The following RABGAP1L variants were observed in gnomAD, a reference collection of about 807,000 sequenced individuals.
RABGAP1L encodes the protein RAB GTPase activating protein 1 like, also known as rab GTPase-activating protein 1-like.
Under a neutral mutation model 137.7 loss-of-function variants are expected in RABGAP1L, and 63 were observed. That is an observed-to-expected ratio of 0.46 (90% confidence interval 0.37 to 0.56). RABGAP1L has a LOEUF of 0.56. RABGAP1L is among the 20% of genes least tolerant of loss of function. The pLI is 0.00. For synonymous variants in RABGAP1L, 431 were observed against 433.7 expected (o/e 0.99, Z 0.08); for missense variants, 1,095 against 1,244.0 (o/e 0.88, Z 1.80).
chr1:174,981,852 A>C (rs1340659936), intron 23 of RABGAP1L, among the ~76,000 whole-genome samples: 1 of 152,004 alleles, frequency 6.6e-6, no homozygotes, highest in African/African-American at 2.4e-5. Flanking sequence ...TTTAATGTAC[A>C]CTTACTATTG....
intron 6 of RABGAP1L, among the ~76,000 whole-genome samples, chr1:174,251,308 T>C (rs1672694888): frequency 6.6e-6 from 1 of 152,092 alleles, no homozygotes; most frequent in African/African-American, 2.4e-5. Flanking sequence ...CTAATCAAAA[T>C]TGTTTTTAAC....
At chr1:174,439,492 G>A (rs912920494) in intron 13 of RABGAP1L, among the ~76,000 whole-genome samples, 1 of 152,060 alleles carries the variant, frequency 6.6e-6, no homozygotes, top group East Asian at 1.9e-4. Flanking sequence ...GCAGCATTTG[G>A]CATTTTTTAG....
intron 13 of RABGAP1L, among the ~76,000 whole-genome samples, chr1:174,429,582 T>C (rs1477027447): frequency 1.3e-5 from 2 of 151,644 alleles, no homozygotes; most frequent in Non-Finnish European, 2.9e-5. Context: ...CTACTAAGAA[T>C]ACAAAAATTA....
At chr1:174,642,585 G>T (rs1036780847) in intron 14 of RABGAP1L, among the ~76,000 whole-genome samples, 2 of 151,966 alleles carry the variant, frequency 1.3e-5, no homozygotes, top group Admixed American at 6.6e-5. Flanking sequence ...TTCTTGATGT[G>T]TCTGAATGAG....
At chr1:174,196,425 T>C (rs79580707) in intron 1 of RABGAP1L, among the ~76,000 whole-genome samples, 1 of 151,860 alleles carries the variant, frequency 6.6e-6, no homozygotes, top group South Asian at 2.1e-4. Flanking sequence ...GGGGTTTCGC[T>C]GTGTTAGCCA....
chr1:174,556,021 G>A (rs189577992), intron 13 of RABGAP1L, among the ~76,000 whole-genome samples: 2 of 133,474 alleles, frequency 1.5e-5, no homozygotes, highest in Non-Finnish European at 3.2e-5. Context: ...TTTTTAAGAT[G>A]GAATCTTGCT....
chr1:174,541,040 T>C (rs1665366055), intron 13 of RABGAP1L, among the ~76,000 whole-genome samples: 1 of 152,218 alleles, frequency 6.6e-6, no homozygotes, highest in Non-Finnish European at 1.5e-5. Context: ...CTAGGTATTT[T>C]ATTGTCTTTG....
chr1:174,598,592 T>C (rs1409658649), intron 13 of RABGAP1L, among the ~76,000 whole-genome samples: 1 of 152,224 alleles, frequency 6.6e-6, no homozygotes, highest in Non-Finnish European at 1.5e-5. Flanking sequence ...GCTTCAGTGT[T>C]GATGCATATA....
intron 1 of RABGAP1L, among the ~76,000 whole-genome samples, chr1:174,164,829 T>A (rs1317684731): frequency 6.6e-6 from 1 of 152,218 alleles, no homozygotes; most frequent in Non-Finnish European, 1.5e-5. Context: ...TACAACTAGT[T>A]TAGCCTACCC....
intron 20 of RABGAP1L, chr1:174,958,094 G>A (rs1668762621): frequency 2.0e-6 from 3 of 1,515,122 alleles, no homozygotes; most frequent in Non-Finnish European, 2.6e-6. Flanking sequence ...ACTGACACAA[G>A]GATGTTTCAA....
Position 174,969,280 on chromosome 1 carries a change from G to A in RABGAP1L, c.2437G>A (p.Glu813Lys). 1 of 1,549,918 alleles carries A rather than the reference G, an allele frequency of 6.5e-7. No homozygotes were observed. The highest frequency in any genetic ancestry group is 8.7e-7 in the Non-Finnish European group (1 of 1,146,180). The stretch of plus-strand genomic sequence containing the variant: ...TCTGGCTATTGTTCTTCTGCAGAGG[G>A]AGAACCGAAGATTACAGGAGGCCAG... ...QEDPMDRYKR[E>K]NRRLQEASMR... The change falls in exon 21 of 26, where the codon GAG becomes AAG. Residue 813 changes from glutamate to lysine, a missense_variant. Around this residue, in one of 4 missense-constraint regions of RABGAP1L, gnomAD observed 312 missense variants for 435.6 expected, o/e 0.72. Transcript: ENST00000681986.
intron 14 of RABGAP1L, among the ~76,000 whole-genome samples, chr1:174,671,811 G>T (rs1572751952): frequency 6.6e-6 from 1 of 152,004 alleles, no homozygotes; most frequent in African/African-American, 2.4e-5. Flanking sequence ...GAGTAATGCT[G>T]GTCTAGCAGA....
At chr1:174,685,966 G>A (rs992552629) in intron 15 of RABGAP1L, among the ~76,000 whole-genome samples, 1 of 152,158 alleles carries the variant, frequency 6.6e-6, no homozygotes, top group African/African-American at 2.4e-5. Flanking sequence ...TAATGCTGGA[G>A]GAGAAATGAA....
intron 12 of RABGAP1L, 58 bp from the exon 13 acceptor site, chr1:174,393,937 A>G: frequency 6.4e-7 from 1 of 1,566,554 alleles, no homozygotes; most frequent in Non-Finnish European, 8.7e-7. Flanking sequence ...TTTTCATGGC[A>G]ACAGCAGTTC....
At chr1:174,754,084 C>G (rs1383937897) in intron 18 of RABGAP1L, among the ~76,000 whole-genome samples, 1 of 152,178 alleles carries the variant, frequency 6.6e-6, no homozygotes, top group Non-Finnish European at 1.5e-5. Context: ...CATGTTAACA[C>G]AGACAAGGCC....
chr1:174,438,775 T>C (rs980309724), intron 13 of RABGAP1L, among the ~76,000 whole-genome samples: 15 of 143,462 alleles, frequency 1.0e-4, no homozygotes, highest in Admixed American at 3.5e-4. Context: ...TATATATATA[T>C]ATGACTTTTT....
intron 14 of RABGAP1L, among the ~76,000 whole-genome samples, chr1:174,640,623 A>G (rs1029752030): frequency 6.6e-6 from 1 of 152,068 alleles, no homozygotes; most frequent in African/African-American, 2.4e-5. Flanking sequence ...CTGAGTTTCT[A>G]TTCTGGACAC....
At chr1:174,844,028 T>C (rs1693779745) in intron 19 of RABGAP1L, among the ~76,000 whole-genome samples, 1 of 149,562 alleles carries the variant, frequency 6.7e-6, no homozygotes, top group Non-Finnish European at 1.5e-5. Context: ...AATGTCTTCT[T>C]TTGAGAAGTG....
chr1:174,694,035 T>C (rs1159889590), intron 15 of RABGAP1L, among the ~76,000 whole-genome samples: 9 of 152,132 alleles, frequency 5.9e-5, no homozygotes, highest in Admixed American at 5.2e-4. Context: ...TAAAAATACA[T>C]TGTAATGACG....
Sources: allele counts gnomAD v4.1 joint callset (sites outside exome capture counted in the v4.1 genomes callset), GRCh38; gene constraint gnomAD v4.1.1; regional missense constraint gnomAD v4.1.1; transcripts MANE v1.5; gene names NCBI Gene and HGNC (gene_info 2026-07-23, HGNC 2026-07-21).